Variants in GOLGA1 observed in about 807,000 individuals in gnomAD.
The protein encoded by GOLGA1 is golgin subfamily A member 1.
In GOLGA1, 63 loss-of-function variants were observed where a neutral mutation model predicts 119.7. That is an observed-to-expected ratio of 0.53 (90% CI 0.43 to 0.65). GOLGA1 has a LOEUF of 0.65. GOLGA1 is among the 30% of genes least tolerant of loss of function. The probability of loss-of-function intolerance (pLI) is 0.00; values close to 1 mark genes in which losing one functional copy is unlikely to be tolerated. For missense variants in GOLGA1, 798 were observed against 912.8 expected, an observed-to-expected ratio of 0.87 and a Z score of 1.62; for synonymous variants, 318 against 333.4, an observed-to-expected ratio of 0.95 and a Z score of 0.50.
At position 124,882,318 on chromosome 9, in the gene GOLGA1, C is replaced by T. The variant is rs147036572; in HGVS notation, c.1965+192G>A. On this transcript the variant is annotated intron_variant, in intron 20 of 22. Coordinates refer to ENST00000373555, the MANE Select transcript of GOLGA1 (RefSeq NM_002077.4). ...GAAGGCAGGAACAGGGCTGTAGCCACGGAGCTGCTTCAGAGGTGCATGCAG... is the reference window on the plus strand; with the variant it reads ...GAAGGCAGGAACAGGGCTGTAGCCATGGAGCTGCTTCAGAGGTGCATGCAG... 4.7e-3 allele frequency among the ~76,000 whole-genome samples: 719 copies of T among 152,336 alleles called. 5 individuals carry two copies. The highest frequency in any genetic ancestry group is 0.013 in the South Asian group (65 of 4,832).
At chr9:124,919,201 G>A (rs1049169533) in intron 10 of GOLGA1, among the ~76,000 whole-genome samples, 1 of 152,066 alleles carries the variant, frequency 6.6e-6, no homozygotes, top group African/African-American at 2.4e-5. Context: ...AGGCTGCAGT[G>A]AGCCGTTGAC....
intron 6 of GOLGA1, 100 bp from the exon 7 acceptor site, chr9:124,926,841 C>A: frequency 1.6e-6 from 1 of 617,198 alleles, no homozygotes; most frequent in Non-Finnish European, 2.8e-6. Context: ...CAGAAAGCAA[C>A]TAACCAAACA....
chr9:124,898,616 A>C lies in GOLGA1; in HGVS notation c.1340T>G (p.Leu447Arg). 1 of 1,611,194 alleles carries C rather than the reference A, an allele frequency of 6.2e-7. No individual in the cohort carries two copies. Among genetic ancestry groups the C allele is most frequent in the Non-Finnish European group, 8.5e-7 (1 of 1,177,520 alleles). Residue 447 changes from leucine (L) to arginine (R), a missense_variant, in exon 15 of 23, where the codon CTT (leucine) becomes CGT (arginine). Transcript: ENST00000373555. ...TTCATATTCATTCCTGCATTCTTTA[A>C]GGGCTGCATTTTCTTGCTCCAGTTG... is the stretch of plus-strand genomic sequence containing the variant. ...MRQLEQENAA[L>R]KECRNEYERS...
intron 2 of GOLGA1, among the ~76,000 whole-genome samples, chr9:124,939,142 GT>G (rs78434694): frequency 0.012 from 1,677 of 145,082 alleles, 16 homozygotes; most frequent in Non-Finnish European, 0.017. Context: ...AAATCTCTAC[GT>G]TTTTTTTTTT....
chr9:124,891,267 G>A (rs1588061070), intron 15 of GOLGA1, among the ~76,000 whole-genome samples: 2 of 152,218 alleles, frequency 1.3e-5, no homozygotes, highest in South Asian at 4.1e-4. Context: ...CACAAAGCAG[G>A]GCCTGCAGCT....
At chr9:124,921,454 C>G (rs1830567748) in intron 9 of GOLGA1, among the ~76,000 whole-genome samples, 1 of 152,136 alleles carries the variant, frequency 6.6e-6, no homozygotes, top group African/African-American at 2.4e-5. Context: ...TCCTGACCTG[C>G]CTTTCCTTAG....
At chr9:124,918,216 C>T (rs180792751) in intron 10 of GOLGA1, among the ~76,000 whole-genome samples, 7 of 152,264 alleles carry the variant, frequency 4.6e-5, no homozygotes, top group Admixed American at 1.3e-4. Context: ...ACACTCATCA[C>T]GGTTAGTAAT....
At chr9:124,894,494 T>G (rs1829921616) in intron 15 of GOLGA1, among the ~76,000 whole-genome samples, 1 of 152,030 alleles carries the variant, frequency 6.6e-6, no homozygotes, top group African/African-American at 2.4e-5. Context: ...CCTCCTGGGC[T>G]CCCAAGCAGC....
intron 10 of GOLGA1, among the ~76,000 whole-genome samples, chr9:124,913,696 G>A (rs562631207): frequency 3.9e-4 from 60 of 152,302 alleles, no homozygotes; most frequent in South Asian, 1.2e-3. Flanking sequence ...GTTTTCTGAG[G>A]ATACAATCAA....
At chr9:124,913,364 TCTTCCCCAGAAA>T (rs1830376799) in intron 10 of GOLGA1, among the ~76,000 whole-genome samples, 2 of 152,152 alleles carry the variant, frequency 1.3e-5, no homozygotes, top group Admixed American at 1.3e-4. Flanking sequence ...GGATGCCCAT[TCTTCCCCAGAAA>T]AGGTTGTAGG....
At position 124,888,150 on chromosome 9, in the gene GOLGA1, GC is replaced by G; in HGVS notation, c.1905+102del. The G allele has an allele frequency of 9.4e-7, 1 of 1,061,336 alleles. No individual in the cohort carries two copies. Among genetic ancestry groups the G allele is most frequent in the South Asian group, 1.4e-5 (1 of 71,866 alleles). The allele number at this position is 1,061,336 out of a possible 1,614,324, so 65.7% of individuals were successfully genotyped here. ...AGAGGGGTCATGGTTGCCAGGAGGT[GC>G]GGGGGAAACCACAAAAACCTCCAAG... is the stretch of plus-strand genomic sequence containing the variant. On this transcript the variant is annotated intron_variant, in intron 19 of 22. Coordinates refer to ENST00000373555, the MANE Select transcript of GOLGA1 (RefSeq NM_002077.4). This position sits in a 1 kb window ranked among gnomAD's most constrained non-coding sequence, Gnocchi z 4.4.
intron 3 of GOLGA1, among the ~76,000 whole-genome samples, chr9:124,938,224 T>C (rs1467890545): frequency 6.6e-6 from 1 of 152,130 alleles, no homozygotes; most frequent in Non-Finnish European, 1.5e-5. Flanking sequence ...TAAGCAGCAA[T>C]GACTTAGTTG....
intron 13 of GOLGA1, chr9:124,900,198 C>T (rs545016886): frequency 1.8e-5 from 6 of 325,842 alleles, no homozygotes; most frequent in Non-Finnish European, 2.8e-5. Flanking sequence ...AGCCCCAGGA[C>T]CAGGCTGGAC....
intron 2 of GOLGA1, among the ~76,000 whole-genome samples, chr9:124,939,119 G>C (rs1001606257): frequency 6.6e-6 from 1 of 151,964 alleles, no homozygotes; most frequent in East Asian, 1.9e-4. Flanking sequence ...TTGAACAGAG[G>C]ACTCTGATTC....
At position 124,889,560 on chromosome 9, in the gene GOLGA1, G is replaced by C. The variant is rs368056388; in HGVS notation, c.1498-24C>G. 13 of 1,482,714 alleles carry C rather than the reference G, an allele frequency of 8.8e-6. No homozygotes were observed. In the African/African-American group the frequency reaches 1.8e-4, roughly 20 times the overall value. 91.8% of individuals were successfully genotyped at this position (1,482,714 alleles called of 1,614,324 possible). On this transcript the variant is annotated intron_variant, in intron 16 of 22. Transcript: ENST00000373555. ...GCCTTGGAGAGAAAAATCAACAAGA[G>C]GGAAGGTTGTGAGCAGTGACTCCAT...
chr9:124,892,017 C>T (rs1364639137), intron 15 of GOLGA1, among the ~76,000 whole-genome samples: 2 of 152,008 alleles, frequency 1.3e-5, no homozygotes, highest in African/African-American at 2.4e-5. Context: ...TGCAATGGCA[C>T]GATCTCAGCT....
intron 11 of GOLGA1, among the ~76,000 whole-genome samples, chr9:124,911,238 G>T (rs1397036367): frequency 6.6e-6 from 1 of 152,182 alleles, no homozygotes; most frequent in African/African-American, 2.4e-5. Context: ...GACTAGGCTA[G>T]ATTTGCTGGA....
chr9:124,880,319 C>T lies in GOLGA1; in HGVS notation c.*211G>A. The T allele has an allele frequency of 2.2e-6, 1 of 447,128 alleles. No homozygotes were observed. The highest frequency in any genetic ancestry group is 4.2e-6 in the Non-Finnish European group (1 of 238,080). The allele number at this position is 447,128 out of a possible 1,614,324, so 27.7% of individuals were successfully genotyped here. ...GAAATCTGGGTAGTGCCAGGACCCTCCTGTTTGGTGACCAGAATGACAGGA... is the reference window on the plus strand; with the variant it reads ...GAAATCTGGGTAGTGCCAGGACCCTTCTGTTTGGTGACCAGAATGACAGGA... On this transcript the variant is annotated 3_prime_UTR_variant, in exon 23 of 23. Coordinates refer to ENST00000373555, the MANE Select transcript of GOLGA1 (RefSeq NM_002077.4).
chr9:124,916,060 C>G (rs1830436033), intron 10 of GOLGA1, among the ~76,000 whole-genome samples: 1 of 151,494 alleles, frequency 6.6e-6, no homozygotes, highest in South Asian at 2.1e-4. Context: ...CAAGATCACA[C>G]CACTGCACTC....
Sources: gnomAD v4.1 joint callset for allele counts (sites outside exome capture counted in the v4.1 genomes callset) on GRCh38, gnomAD v4.1.1 for gene constraint, Gnocchi (gnomAD v3.1) non-coding constraint, MANE v1.5 for transcripts, NCBI Gene and HGNC (gene_info 2026-07-23, HGNC 2026-07-21) for gene names.